The following SHISA9 variants were observed in gnomAD, a reference collection of about 807,000 sequenced individuals.
SHISA9 encodes protein shisa-9.
SHISA9 carries 13 observed loss-of-function variants against 38.0 expected under a neutral mutation model. The observed-to-expected ratio is 0.34, with a 90% CI of 0.22 to 0.54. The LOEUF is 0.54. SHISA9 is among the 20% of genes least tolerant of loss of function. The pLI, the probability that SHISA9 is intolerant of heterozygous loss-of-function variation, is 0.91. For missense variants in SHISA9, 538 were observed against 575.8 expected, an observed-to-expected ratio of 0.93 and a Z score of 0.67; for synonymous variants, 275 against 242.0, an observed-to-expected ratio of 1.14 and a Z score of -1.27.
At chr16:12,925,685 A>T (rs1235063292) in intron 2 of SHISA9, among the ~76,000 whole-genome samples, 2 of 152,200 alleles carry the variant, frequency 1.3e-5, no homozygotes, top group African/African-American at 4.8e-5. Flanking sequence ...AGTTTAAAAG[A>T]TGCCAAGTTC....
chr16:13,278,220 A>T, the SHISA9 span, among the ~76,000 whole-genome samples: 2 of 152,100 alleles, frequency 1.3e-5, no homozygotes, highest in Non-Finnish European at 2.9e-5. Flanking sequence ...TATCACATTT[A>T]TTGACTTGCG....
chr16:13,192,037 G>A lies in SHISA9; in HGVS notation c.692-11357G>A, dbSNP rs150312829. On this transcript the variant is annotated intron_variant, in intron 2 of 4. Transcript: ENST00000558583. ...GTATATACACACTATGGAATTCTAT[G>A]CAGCCATGAAAAAGAATGAAATCAT... is the stretch of plus-strand genomic sequence containing the variant. Among the ~76,000 whole-genome samples the A allele has an allele frequency of 4.3e-4, 66 of 152,310 alleles. No homozygotes were observed. The South Asian group carries it at 9.5e-3, about 22-fold the overall frequency.
the SHISA9 span, among the ~76,000 whole-genome samples, chr16:13,388,111 C>T: frequency 6.6e-6 from 1 of 152,194 alleles, no homozygotes; most frequent in African/African-American, 2.4e-5. Flanking sequence ...CAAGGTAATT[C>T]CTGCAGGTTG....
At chr16:13,209,448 C>G (rs2051097527) in intron 3 of SHISA9, among the ~76,000 whole-genome samples, 1 of 152,196 alleles carries the variant, frequency 6.6e-6, no homozygotes, top group Non-Finnish European at 1.5e-5. Flanking sequence ...AAGAATCAGT[C>G]TAGACCTCTT....
At chr16:13,475,523 T>C in the SHISA9 span, among the ~76,000 whole-genome samples, 1 of 152,088 alleles carries the variant, frequency 6.6e-6, no homozygotes, top group African/African-American at 2.4e-5. Flanking sequence ...TGGTCACTCA[T>C]GGAATTGAAA....
intron 2 of SHISA9, among the ~76,000 whole-genome samples, chr16:13,193,996 C>A (rs2050912799): frequency 6.6e-6 from 1 of 152,186 alleles, no homozygotes; most frequent in Non-Finnish European, 1.5e-5. Context: ...TCCCACAACT[C>A]ATCCAACATT....
At chr16:13,349,777 T>C in the SHISA9 span, among the ~76,000 whole-genome samples, 4 of 152,164 alleles carry the variant, frequency 2.6e-5, no homozygotes, top group Non-Finnish European at 5.9e-5. Context: ...AGTAATAAAT[T>C]TCATGTAGGG....
chr16:12,981,076 C>T (rs2141822928), intron 2 of SHISA9, among the ~76,000 whole-genome samples: 1 of 152,160 alleles, frequency 6.6e-6, no homozygotes, highest in East Asian at 1.9e-4. Context: ...GATTGTACTC[C>T]TCAAATATCT....
the SHISA9 span, among the ~76,000 whole-genome samples, chr16:13,476,036 G>GCTA: frequency 6.6e-6 from 1 of 152,178 alleles, no homozygotes; most frequent in Non-Finnish European, 1.5e-5. Context: ...TTCCTAACAG[G>GCTA]CTACAGACTA....
At chr16:13,298,522 G>T in the SHISA9 span, among the ~76,000 whole-genome samples, 1 of 152,136 alleles carries the variant, frequency 6.6e-6, no homozygotes, top group East Asian at 1.9e-4. Flanking sequence ...TGTTCTTATT[G>T]TGTAGAGGAG....
intron 2 of SHISA9, among the ~76,000 whole-genome samples, chr16:13,061,262 G>A (rs1267761643): frequency 2.0e-5 from 3 of 152,114 alleles, no homozygotes; most frequent in Admixed American, 6.5e-5. Flanking sequence ...ATATAAATAC[G>A]CCTCACACAC....
At chr16:13,098,066 C>A (rs1367283077) in intron 2 of SHISA9, among the ~76,000 whole-genome samples, 1 of 152,184 alleles carries the variant, frequency 6.6e-6, no homozygotes, top group Admixed American at 6.5e-5. Context: ...GTTACCACCC[C>A]ATTTCGCAGA....
chr16:13,523,155 C>T, the SHISA9 span, among the ~76,000 whole-genome samples: 1 of 152,164 alleles, frequency 6.6e-6, no homozygotes, highest in Admixed American at 6.5e-5. Flanking sequence ...TGAGACCAGA[C>T]TGGCCAACAT....
chr16:13,216,570 C>T (rs2051171427), intron 4 of SHISA9, among the ~76,000 whole-genome samples: 1 of 152,180 alleles, frequency 6.6e-6, no homozygotes, highest in South Asian at 2.1e-4. Context: ...TCTCTTTGCT[C>T]TTAAGGAAGA....
At chr16:13,558,733 GA>G in the SHISA9 span, among the ~76,000 whole-genome samples, 1 of 152,104 alleles carries the variant, frequency 6.6e-6, no homozygotes. Context: ...AAGTCACCAA[GA>G]AAAAGCACAC....
At chr16:13,558,190 A>C in the SHISA9 span, among the ~76,000 whole-genome samples, 3 of 152,138 alleles carry the variant, frequency 2.0e-5, no homozygotes, top group East Asian at 1.9e-4. Flanking sequence ...GCTAATCACT[A>C]TCTCTCTCTG....
At chr16:13,100,443 T>C (rs1051125930) in intron 2 of SHISA9, among the ~76,000 whole-genome samples, 2 of 152,186 alleles carry the variant, frequency 1.3e-5, no homozygotes, top group African/African-American at 4.8e-5. Flanking sequence ...TGTGGTGCCC[T>C]GCATAGCCCT....
the SHISA9 span, among the ~76,000 whole-genome samples, chr16:13,362,236 C>A: frequency 2.9e-5 from 4 of 139,274 alleles, no homozygotes; most frequent in Non-Finnish European, 4.7e-5. Context: ...AAAAGCAAAA[C>A]CAAACAACAA....
chr16:13,200,220 TC>T (rs2050991249), intron 2 of SHISA9, among the ~76,000 whole-genome samples: 1 of 152,116 alleles, frequency 6.6e-6, no homozygotes, highest in Non-Finnish European at 1.5e-5. Context: ...TACAAGTATT[TC>T]CTGAGATCAC....
Sources: allele counts gnomAD v4.1 joint callset (sites outside exome capture counted in the v4.1 genomes callset), GRCh38; gene constraint gnomAD v4.1.1; transcripts MANE v1.5; gene names NCBI Gene and HGNC (gene_info 2026-07-23, HGNC 2026-07-21).